SPTLC3: variants seen among roughly 807,000 people sequenced by gnomAD.
The protein encoded by SPTLC3 is serine palmitoyltransferase 3.
A neutral mutation model predicts 59.3 loss-of-function variants in SPTLC3; 36 were observed. The observed-to-expected ratio is 0.61, with a 90% CI of 0.47 to 0.80. The LOEUF is 0.80. SPTLC3 is among the 30% of genes least tolerant of loss of function. The probability of loss-of-function intolerance (pLI) is 0.00; values close to 1 mark genes in which losing one functional copy is unlikely to be tolerated. For missense variants in SPTLC3, 625 were observed against 685.1 expected (o/e 0.91, Z 0.98); for synonymous variants, 257 against 240.8 (o/e 1.07, Z -0.62).
intron 1 of SPTLC3, among the ~76,000 whole-genome samples, chr20:13,038,831 G>T (rs1397979725): frequency 6.6e-5 from 10 of 152,004 alleles, no homozygotes; most frequent in African/African-American, 9.7e-5. Context: ...ATAAGTTTAG[G>T]TATACATGTC....
At chr20:13,049,300 GA>G (rs1987373399) in intron 2 of SPTLC3, 170 bp downstream of exon 2, 1 of 715,484 alleles carries the variant, frequency 1.4e-6, no homozygotes, top group Non-Finnish European at 2.4e-6. Flanking sequence ...TGGGCTTATG[GA>G]CCTGTTTTTA....
At chr20:13,107,144 GAGCATACAAAC>G (rs1263600893) in intron 6 of SPTLC3, among the ~76,000 whole-genome samples, 1 of 152,172 alleles carries the variant, frequency 6.6e-6, no homozygotes, top group Non-Finnish European at 1.5e-5. Context: ...CAGGGATACT[GAGCATACAAAC>G]GTCTGGGCCC....
intron 1 of SPTLC3, among the ~76,000 whole-genome samples, chr20:13,035,989 T>C (rs969899059): frequency 6.6e-6 from 1 of 152,188 alleles, no homozygotes; most frequent in Non-Finnish European, 1.5e-5. Context: ...TTTGGTGCTA[T>C]ATCACTTGCA....
intron 1 of SPTLC3, among the ~76,000 whole-genome samples, chr20:13,037,199 C>G (rs973119849): frequency 6.6e-6 from 1 of 152,120 alleles, no homozygotes; most frequent in African/African-American, 2.4e-5. Context: ...AGAAGTCACC[C>G]AATGGACGTT....
chr20:13,031,758 CT>C (rs138750215), intron 1 of SPTLC3, among the ~76,000 whole-genome samples: 6,767 of 152,222 alleles, frequency 0.044, 209 homozygotes, highest in South Asian at 0.082. Flanking sequence ...TAGTATTCAC[CT>C]GAGATGGAAA....
chr20:13,154,209 C>T (rs574507695), intron 10 of SPTLC3, 71 bp downstream of exon 10: 15 of 1,580,742 alleles, frequency 9.5e-6, no homozygotes, highest in South Asian at 5.8e-5. Flanking sequence ...TTGGCACAGG[C>T]GTTAGATTAT....
chr20:13,078,664 A>G (rs1370428699), intron 4 of SPTLC3, among the ~76,000 whole-genome samples: 1 of 152,202 alleles, frequency 6.6e-6, no homozygotes, highest in African/African-American at 2.4e-5. Flanking sequence ...GTACAACAGA[A>G]TAAGAAGTAT....
intron 10 of SPTLC3, among the ~76,000 whole-genome samples, chr20:13,157,028 T>A (rs933036423): frequency 6.6e-6 from 1 of 152,194 alleles, no homozygotes; most frequent in African/African-American, 2.4e-5. Flanking sequence ...AGAGCTAATA[T>A]CACAGAGTAC....
chr20:13,039,171 T>C (rs568430495), intron 1 of SPTLC3, among the ~76,000 whole-genome samples: 56 of 152,220 alleles, frequency 3.7e-4, no homozygotes, highest in South Asian at 2.1e-3. Flanking sequence ...TCTTCTATTT[T>C]CTTGTTGGTC....
chr20:13,114,933 GAT>G (rs554191716), intron 7 of SPTLC3, among the ~76,000 whole-genome samples: 110 of 152,318 alleles, frequency 7.2e-4, no homozygotes, highest in African/African-American at 2.5e-3. Context: ...TAATAGAAAA[GAT>G]ATAAAGGAAT....
At chr20:13,047,550 A>G (rs1000977240) in intron 1 of SPTLC3, among the ~76,000 whole-genome samples, 15 of 152,246 alleles carry the variant, frequency 9.9e-5, no homozygotes, top group African/African-American at 3.4e-4. Flanking sequence ...ATTTGTATTT[A>G]TTGAATGAAA....
At chr20:13,011,376 A>C (rs1985239383) in intron 1 of SPTLC3, among the ~76,000 whole-genome samples, 1 of 152,180 alleles carries the variant, frequency 6.6e-6, no homozygotes, top group South Asian at 2.1e-4. Context: ...TGCCTGGCCT[A>C]ACGTCTTCTG....
intron 1 of SPTLC3, among the ~76,000 whole-genome samples, chr20:13,045,508 T>C (rs1290265202): frequency 6.6e-6 from 1 of 152,180 alleles, no homozygotes. Context: ...ACTTCAATTA[T>C]AAGTAAAAGA....
chr20:13,113,298 A>G (rs1196181112), intron 7 of SPTLC3, among the ~76,000 whole-genome samples: 1 of 152,200 alleles, frequency 6.6e-6, no homozygotes, highest in East Asian at 1.9e-4. Context: ...TTAGGAATGC[A>G]TATCTTGTTG....
chr20:13,141,669 T>TA (rs1407759885), intron 9 of SPTLC3, among the ~76,000 whole-genome samples: 5 of 152,204 alleles, frequency 3.3e-5, no homozygotes, highest in Non-Finnish European at 7.3e-5. Flanking sequence ...TAAATACATT[T>TA]GCCACTTGGT....
At chr20:13,084,545 C>T (rs759635265) in intron 4 of SPTLC3, among the ~76,000 whole-genome samples, 16 of 152,110 alleles carry the variant, frequency 1.1e-4, no homozygotes, top group South Asian at 4.1e-4. Flanking sequence ...TCTTTTTTCC[C>T]TCATCTATAA....
chr20:13,027,313 G>A (rs1986198463), intron 1 of SPTLC3, among the ~76,000 whole-genome samples: 1 of 152,048 alleles, frequency 6.6e-6, no homozygotes, highest in South Asian at 2.1e-4. Context: ...TCACATCCAG[G>A]ATCTCATTGT....
intron 1 of SPTLC3, among the ~76,000 whole-genome samples, chr20:13,039,089 T>C (rs932412264): frequency 6.6e-6 from 1 of 152,112 alleles, no homozygotes; most frequent in African/African-American, 2.4e-5. Context: ...GAAAAATGTG[T>C]ATTTTGCTGT....
At chr20:13,048,384 C>A (rs1987324305) in intron 1 of SPTLC3, among the ~76,000 whole-genome samples, 1 of 152,146 alleles carries the variant, frequency 6.6e-6, no homozygotes, top group African/African-American at 2.4e-5. Context: ...TTTAAAAGAC[C>A]AGGACAGTTG....
Sources: gnomAD v4.1 joint callset for allele counts (sites outside exome capture counted in the v4.1 genomes callset) on GRCh38, gnomAD v4.1.1 for gene constraint, MANE v1.5 for transcripts, NCBI Gene and HGNC (gene_info 2026-07-23, HGNC 2026-07-21) for gene names.